The following STK38L variants were observed in gnomAD, a reference collection of about 807,000 sequenced individuals.
STK38L encodes the protein serine/threonine kinase 38 like.
A neutral mutation model predicts 59.7 loss-of-function variants in STK38L; 28 were observed. The ratio of observed to expected loss-of-function variants is 0.47; its 90% CI spans 0.35 to 0.64. The LOEUF (loss-of-function observed/expected upper bound fraction) is 0.64, where lower values mean the gene tolerates loss of function less well. Ranked by LOEUF, STK38L falls within the 30% of genes least tolerant of loss-of-function variation. The pLI is 0.01. For synonymous variants in STK38L, 162 were observed against 176.8 expected (o/e 0.92, Z 0.66); for missense variants, 314 against 555.8 (o/e 0.56, Z 4.37).
intron 1 of STK38L, among the ~76,000 whole-genome samples, chr12:27,275,362 A>C (rs1439447390): frequency 2.0e-5 from 1 of 51,136 alleles, no homozygotes. Flanking sequence ...TTTTTTTTTG[A>C]GACGGAGTTT....
At chr12:27,274,635 G>A (rs1943494627) in intron 1 of STK38L, among the ~76,000 whole-genome samples, 1 of 152,288 alleles carries the variant, frequency 6.6e-6, no homozygotes, top group South Asian at 2.1e-4. Context: ...ACCTATAGGT[G>A]CTATGCTTGA....
chr12:27,266,009 C>G (rs1943294570), intron 1 of STK38L, among the ~76,000 whole-genome samples: 1 of 152,144 alleles, frequency 6.6e-6, no homozygotes, highest in South Asian at 2.1e-4. Context: ...GTAGAAACTC[C>G]TGACAGTGCC....
At chr12:27,320,445 T>TA (rs1944698978) in intron 12 of STK38L, among the ~76,000 whole-genome samples, 1 of 140,814 alleles carries the variant, frequency 7.1e-6, no homozygotes. Context: ...TTTGTTGATT[T>TA]TTTTTTTTTT....
chr12:27,253,824 C>T (rs1011766393), intron 1 of STK38L, among the ~76,000 whole-genome samples: 2 of 152,128 alleles, frequency 1.3e-5, no homozygotes, highest in African/African-American at 4.8e-5. Flanking sequence ...GGAATTGTTG[C>T]CGTGATGCTG....
At chr12:27,278,748 A>T (rs1011228486) in intron 1 of STK38L, among the ~76,000 whole-genome samples, 1 of 152,196 alleles carries the variant, frequency 6.6e-6, no homozygotes, top group Non-Finnish European at 1.5e-5. Flanking sequence ...TAAAAACCTT[A>T]ACTCTCAGTT....
At position 27,319,341 on chromosome 12, in the gene STK38L, T is replaced by G. The variant is rs1325373369; in HGVS notation, c.1093T>G (p.Ser365Ala). 2.5e-6 allele frequency: 4 copies of G among 1,611,422 alleles called. No individual in the cohort carries two copies. The highest frequency in any genetic ancestry group is 2.5e-6 in the Non-Finnish European group (3 of 1,178,038). The change falls in exon 12 of 14, where the codon TCT (serine) becomes GCT (alanine). Residue 365 changes from serine to alanine, a missense_variant. By Grantham distance (99) the Ser-to-Ala change is moderately conservative (BLOSUM62 1). Around this residue, in one of 3 missense-constraint regions of STK38L, gnomAD observed 94 missense variants for 142.2 expected, o/e 0.66. Transcript: ENST00000389032. Reference sequence around the variant, plus strand: ...TCCATGTTGTAGATTTTGTATTGATTCTGAAAACAGAATTGGAAATAGTGG... The same window carrying G: ...TCCATGTTGTAGATTTTGTATTGATGCTGAAAACAGAATTGGAAATAGTGG... ...KDLILRFCIDSENRIGNSGVE... is the reference protein window; with the variant it reads ...KDLILRFCIDAENRIGNSGVE...
intron 3 of STK38L, among the ~76,000 whole-genome samples, chr12:27,307,347 T>C (rs989918026): frequency 7.9e-5 from 12 of 152,234 alleles, no homozygotes; most frequent in African/African-American, 2.7e-4. Flanking sequence ...TGATAATACA[T>C]GTTTACATAC....
In STK38L at chr12:27,307,589, C is replaced by T. The variant is rs1414641764; in HGVS notation, c.187-750C>T. On this transcript the variant is annotated intron_variant, in intron 3 of 13. Coordinates refer to ENST00000389032, the MANE Select transcript of STK38L (RefSeq NM_015000.4). Reference sequence around the variant, plus strand: ...GTTTCTTTTCCACTTAGTGTTTCCTCTACTAGGAGCTAACTATGTCCAAAA... The same window carrying T: ...GTTTCTTTTCCACTTAGTGTTTCCTTTACTAGGAGCTAACTATGTCCAAAA... Among the ~76,000 whole-genome samples the T allele has an allele frequency of 1.3e-4, 20 of 152,256 alleles. No homozygotes were observed. The East Asian group carries it at 3.9e-3, about 29-fold the overall frequency.
chr12:27,278,178 G>T (rs1943578127), intron 1 of STK38L, among the ~76,000 whole-genome samples: 1 of 152,192 alleles, frequency 6.6e-6, no homozygotes, highest in South Asian at 2.1e-4. Flanking sequence ...TTATTGGAAG[G>T]CTGTAAGTGT....
chr12:27,297,860 G>A lies in STK38L; in HGVS notation c.134+6G>A. On this transcript the variant is annotated splice_donor_region_variant and intron_variant, in intron 2 of 13. Transcript: ENST00000389032. ...CATGAAGAGAGAGAAACCAGGTATA[G>A]TAAGGGCTAATCAAAACTTTTTTTA... The A allele has an allele frequency of 6.2e-7, 1 of 1,613,580 alleles. No homozygotes were observed. Among genetic ancestry groups the A allele is most frequent in the Middle Eastern group, 1.7e-4 (1 of 6,052 alleles).
In STK38L at chr12:27,308,329, T is replaced by A; in HGVS notation, c.187-10T>A. 1 of 1,533,274 alleles carries A rather than the reference T, an allele frequency of 6.5e-7. No individual in the cohort carries two copies. The highest frequency in any genetic ancestry group is 8.8e-7 in the Non-Finnish European group (1 of 1,141,510). 95.0% of individuals were successfully genotyped at this position (1,533,274 alleles called of 1,614,324 possible). A position where few individuals can be genotyped will look rare whatever the true frequency, so the allele number is the denominator to read the frequency against. On this transcript the variant is annotated splice_polypyrimidine_tract_variant and intron_variant, in intron 3 of 13. Transcript: ENST00000389032. This position sits in a 1 kb window ranked among gnomAD's most constrained non-coding sequence, Gnocchi z 4.5. ...TAAAATCATCCGTTTAAATTGTTTT[T>A]TTTTAATAGAAAAAGTTACGTCGAT...
intron 1 of STK38L, among the ~76,000 whole-genome samples, chr12:27,254,343 AAC>A (rs1196683679): frequency 1.3e-5 from 2 of 152,242 alleles, no homozygotes; most frequent in African/African-American, 4.8e-5. Context: ...TTTTAAAAAT[AAC>A]ACAGTTTAAT....
At chr12:27,281,509 A>G (rs1943658265) in intron 1 of STK38L, among the ~76,000 whole-genome samples, 2 of 152,196 alleles carry the variant, frequency 1.3e-5, no homozygotes, top group East Asian at 3.9e-4. Context: ...GGCCTCTGGT[A>G]AATAACCTCT....
Position 27,322,395 on chromosome 12 carries a change from G to T in STK38L, c.1335G>T (p.Arg445Ser), listed in dbSNP as rs751440994. Residue 445 changes from arginine to serine, a missense_variant, in exon 14 of 14, where the codon AGG becomes AGT. Physicochemically the swap from Arg to Ser is moderately radical, Grantham distance 110. Coordinates refer to ENST00000389032, the MANE Select transcript of STK38L (RefSeq NM_015000.4). ...TTTTTCTCAATTATACCTATAAAAG[G>T]TTTGAAGGGTTGACTCAACGTGGCT... is the stretch of plus-strand genomic sequence containing the variant. ...DWVFLNYTYK[R>S]FEGLTQRGSI... The T allele has an allele frequency of 6.2e-6, 10 of 1,614,010 alleles. No individual in the cohort carries two copies. The South Asian group carries it at 7.7e-5, about 12-fold the overall frequency.
At chr12:27,258,756 ATT>A (rs1943142627) in intron 1 of STK38L, among the ~76,000 whole-genome samples, 1 of 152,166 alleles carries the variant, frequency 6.6e-6, no homozygotes, top group African/African-American at 2.4e-5. Context: ...TTCTGTTAAA[ATT>A]GTTTTAGATC....
intron 1 of STK38L, among the ~76,000 whole-genome samples, chr12:27,275,825 A>G (rs1224364132): frequency 1.3e-5 from 2 of 152,220 alleles, no homozygotes; most frequent in East Asian, 3.8e-4. Context: ...TTCTTACTAT[A>G]TTATACAACA....
intron 1 of STK38L, among the ~76,000 whole-genome samples, chr12:27,294,648 T>C (rs1378055735): frequency 1.3e-5 from 2 of 151,996 alleles, no homozygotes; most frequent in Non-Finnish European, 2.9e-5. Flanking sequence ...AGTTAACAAA[T>C]GTGATTTGAT....
At chr12:27,315,471 G>T in intron 9 of STK38L, 121 bp downstream of exon 9, 1 of 745,230 alleles carries the variant, frequency 1.3e-6, no homozygotes, top group Non-Finnish European at 2.1e-6. Context: ...GGTAGCGCTT[G>T]CTCTGGGATC....
At chr12:27,301,518 C>G (rs577802092) in intron 2 of STK38L, among the ~76,000 whole-genome samples, 1 of 152,184 alleles carries the variant, frequency 6.6e-6, no homozygotes, top group Non-Finnish European at 1.5e-5. Context: ...CCTCGGCCTC[C>G]CAAAGTGCTA....
Sources: gnomAD v4.1 joint callset for allele counts (sites outside exome capture counted in the v4.1 genomes callset) on GRCh38, gnomAD v4.1.1 for gene constraint, gnomAD v4.1.1 regional missense constraint, Gnocchi (gnomAD v3.1) non-coding constraint, MANE v1.5 for transcripts, NCBI Gene and HGNC (gene_info 2026-07-23, HGNC 2026-07-21) for gene names.